The following DLGAP1 variants were observed in gnomAD, a reference collection of about 807,000 sequenced individuals.
DLGAP1 encodes DLG associated protein 1.
A neutral mutation model predicts 90.8 loss-of-function variants in DLGAP1; 11 were observed. That is an observed-to-expected ratio of 0.12 (90% CI 0.08 to 0.20). The LOEUF is 0.20. Among genes scored for constraint, DLGAP1 ranks in the 10% least tolerant of loss-of-function variants. DLGAP1 has a pLI of 1.00. For missense variants in DLGAP1, 1,050 were observed against 1,333.8 expected, an observed-to-expected ratio of 0.79 and a Z score of 3.31; for synonymous variants, 558 against 540.7, an observed-to-expected ratio of 1.03 and a Z score of -0.44.
rs190046063 is a variant in DLGAP1, at chr18:4,120,384, C to T, written c.-159+30796G>A. On this transcript the variant is annotated intron_variant, in intron 2 of 12. Transcript: ENST00000315677. ...GACAACATGAGTTCTGTATCTAATC[C>T]GCAGCATGACAGAAAGCCAATAGGA... 9.9e-4 allele frequency among the ~76,000 whole-genome samples: 150 copies of T among 152,188 alleles called. 1 individual carries two copies. The highest frequency in any genetic ancestry group is 3.0e-3 in the African/African-American group (126 of 41,524).
chr18:3,728,325 T>C (rs2062268767), intron 7 of DLGAP1, among the ~76,000 whole-genome samples: 1 of 84,166 alleles, frequency 1.2e-5, no homozygotes, highest in Non-Finnish European at 2.0e-5. Context: ...TATATATATA[T>C]ATACATGTTT....
chr18:3,933,952 G>A (rs748849403), intron 3 of DLGAP1, among the ~76,000 whole-genome samples: 25 of 152,110 alleles, frequency 1.6e-4, no homozygotes, highest in African/African-American at 3.6e-4. Context: ...ATGAGGTGCC[G>A]AGTCTGGGGT....
chr18:4,208,422 A>T lies in DLGAP1; in HGVS notation c.-266-57135T>A, dbSNP rs1242060811. Reference sequence around the variant, plus strand: ...GTTTTTCTTTTACACACATTAAAACACTCTTTGAACCAATGCAAAGCCCAA... The same window carrying T: ...GTTTTTCTTTTACACACATTAAAACTCTCTTTGAACCAATGCAAAGCCCAA... On this transcript the variant is annotated intron_variant, in intron 1 of 12. Transcript: ENST00000315677. Among the ~76,000 whole-genome samples the T allele has an allele frequency of 2.0e-5, 3 of 152,166 alleles. No homozygotes were observed. In the East Asian group the frequency reaches 5.8e-4, roughly 29 times the overall value.
chr18:4,190,924 T>C (rs1009112578), intron 1 of DLGAP1, among the ~76,000 whole-genome samples: 6 of 152,168 alleles, frequency 3.9e-5, no homozygotes, highest in African/African-American at 1.4e-4. Context: ...ATTTTCATTT[T>C]GAAATATTTC....
At chr18:4,361,782 A>AG (rs1326533964) in intron 1 of DLGAP1, among the ~76,000 whole-genome samples, 2 of 152,338 alleles carry the variant, frequency 1.3e-5, no homozygotes, top group East Asian at 3.9e-4. Flanking sequence ...GTAACAGCAG[A>AG]GAAAAAAATG....
intron 7 of DLGAP1, among the ~76,000 whole-genome samples, chr18:3,683,093 T>C (rs557076614): frequency 1.4e-4 from 21 of 152,124 alleles, no homozygotes; most frequent in South Asian, 4.2e-4. Flanking sequence ...CCTGACCTCA[T>C]GATCCACCCG....
rs116585267 is a variant in DLGAP1 at position 4,270,035 on chromosome 18, G to A, written c.-266-118748C>T. Among the ~76,000 whole-genome samples the A allele has an allele frequency of 9.5e-3, 1,451 of 152,256 alleles. 28 individuals carry two copies. The highest frequency in any genetic ancestry group is 0.033 in the African/African-American group (1,362 of 41,552). ...ATAGGATCCTTCACATGTTACAGTA[G>A]CATAGTTTAAATGTTCAGAAGCTCT... On this transcript the variant is annotated intron_variant, in intron 1 of 12. Transcript: ENST00000315677.
At chr18:4,288,021 C>T (rs1198341702) in intron 1 of DLGAP1, among the ~76,000 whole-genome samples, 1 of 151,406 alleles carries the variant, frequency 6.6e-6, no homozygotes, top group Non-Finnish European at 1.5e-5. Flanking sequence ...AAGGCAAAGA[C>T]AGAAACTGAG....
intron 7 of DLGAP1, among the ~76,000 whole-genome samples, chr18:3,681,284 T>C (rs2060504848): frequency 6.6e-6 from 1 of 152,166 alleles, no homozygotes; most frequent in South Asian, 2.1e-4. Flanking sequence ...TCATAATAAT[T>C]TGTGACCAGG....
Position 4,001,889 on chromosome 18 carries a change from GCCTTACAGTGAATA to G in DLGAP1, c.-73+3213_-73+3226del, listed in dbSNP as rs1468338335. On this transcript the variant is annotated intron_variant, in intron 3 of 12. Coordinates refer to ENST00000315677, the MANE Select transcript of DLGAP1 (RefSeq NM_004746.4). The stretch of plus-strand genomic sequence containing the variant: ...TGCCCTTCCCAGAGTGGCCCACCAA[GCCTTACAGTGAATA>G]CTTGTGAACTGTTTTTGTTTCTCTG... Among the ~76,000 whole-genome samples the G allele has an allele frequency of 2.0e-5, 3 of 152,160 alleles. No homozygotes were observed. The East Asian group carries it at 5.8e-4, about 29-fold the overall frequency.
At position 3,874,319 on chromosome 18, in the gene DLGAP1, T is replaced by C. The variant is rs375137635; in HGVS notation, c.957+4793A>G. Reference sequence around the variant, plus strand: ...GCTCCCTCTGTCTCTCTCTCTCCACTTCTACCGCGGAGAGAGCGTTTTGTT... The same window carrying C: ...GCTCCCTCTGTCTCTCTCTCTCCACCTCTACCGCGGAGAGAGCGTTTTGTT... On this transcript the variant is annotated intron_variant, in intron 4 of 12. Coordinates refer to ENST00000315677, the MANE Select transcript of DLGAP1 (RefSeq NM_004746.4). The C allele has an allele frequency of 2.0e-4, 314 of 1,533,652 alleles. 2 individuals are homozygous for C. In the South Asian group the frequency reaches 3.7e-3, roughly 18 times the overall value.
At position 4,282,181 on chromosome 18, in the gene DLGAP1, G is replaced by A. The variant is rs142217038; in HGVS notation, c.-266-130894C>T. Among the ~76,000 whole-genome samples the A allele has an allele frequency of 2.1e-3, 323 of 152,044 alleles. 2 individuals carry two copies. Among genetic ancestry groups the A allele is most frequent in the Non-Finnish European group, 3.4e-3 (229 of 67,980 alleles). On this transcript the variant is annotated intron_variant, in intron 1 of 12. Coordinates refer to ENST00000315677, the MANE Select transcript of DLGAP1 (RefSeq NM_004746.4). ...AGATCGAGATCATCCTGGCTAACAC[G>A]GTGAAACTCCGTCTCTACTAAAAAT...
At chr18:3,627,305 A>G (rs1031074162) in intron 7 of DLGAP1, among the ~76,000 whole-genome samples, 1 of 152,158 alleles carries the variant, frequency 6.6e-6, no homozygotes. Context: ...TCTTGAGAAG[A>G]ACAGATTGCA....
chr18:3,510,544 C>G (rs893989309), intron 10 of DLGAP1, among the ~76,000 whole-genome samples: 2 of 152,150 alleles, frequency 1.3e-5, no homozygotes, highest in Non-Finnish European at 2.9e-5. Context: ...GTATATGGAG[C>G]AGGCACTTCC....
At chr18:4,295,815 G>T (rs1190442865) in intron 1 of DLGAP1, among the ~76,000 whole-genome samples, 3 of 152,206 alleles carry the variant, frequency 2.0e-5, no homozygotes, top group African/African-American at 7.2e-5. Context: ...TTTGTGCTCG[G>T]TAAGTGTTAG....
At chr18:4,354,295 C>T (rs1424398018) in intron 1 of DLGAP1, among the ~76,000 whole-genome samples, 1 of 152,148 alleles carries the variant, frequency 6.6e-6, no homozygotes, top group African/African-American at 2.4e-5. Context: ...ATTACTCTAA[C>T]CTTCCTCCAC....
At chr18:4,197,199 A>AAAAAAAAAG (rs1555760528) in intron 1 of DLGAP1, among the ~76,000 whole-genome samples, 8 of 144,386 alleles carry the variant, frequency 5.5e-5, no homozygotes, top group African/African-American at 1.4e-4. Context: ...AAAAAAAAAA[A>AAAAAAAAAG]AAAAAAAAAG....
chr18:4,254,061 CA>C (rs1445144431), intron 1 of DLGAP1, among the ~76,000 whole-genome samples: 2 of 152,098 alleles, frequency 1.3e-5, no homozygotes, highest in African/African-American at 4.8e-5. Flanking sequence ...CTTTGAAGAT[CA>C]GCACGTTTTT....
chr18:3,500,945 GCT>G (rs1309331932), intron 12 of DLGAP1, among the ~76,000 whole-genome samples: 9 of 151,590 alleles, frequency 5.9e-5, no homozygotes, highest in Non-Finnish European at 1.2e-4. Context: ...ACAAGCTCTC[GCT>G]CTGTCACCCA....
Sources: gnomAD v4.1 joint callset for allele counts (sites outside exome capture counted in the v4.1 genomes callset) on GRCh38, gnomAD v4.1.1 for gene constraint, MANE v1.5 for transcripts, NCBI Gene and HGNC (gene_info 2026-07-23, HGNC 2026-07-21) for gene names.